Variants in PPP2R5C observed in about 807,000 individuals in gnomAD.
PPP2R5C encodes protein phosphatase 2 regulatory subunit B'gamma, also known as serine/threonine-protein phosphatase 2A 56 kDa regulatory subunit gamma isoform.
Under a neutral mutation model 68.9 loss-of-function variants are expected in PPP2R5C, and 7 were observed. The observed-to-expected ratio is 0.10, with a 90% CI of 0.06 to 0.19. PPP2R5C has a LOEUF of 0.19. Among genes scored for constraint, PPP2R5C ranks in the 10% least tolerant of loss-of-function variants. The pLI, the probability that PPP2R5C is intolerant of heterozygous loss-of-function variation, is 1.00. For synonymous variants in PPP2R5C, 210 were observed against 222.2 expected, an observed-to-expected ratio of 0.95 and a Z score of 0.49; for missense variants, 348 against 641.3, an observed-to-expected ratio of 0.54 and a Z score of 4.94.
chr14:101,853,430 C>T (rs1047010751), intron 1 of PPP2R5C, among the ~76,000 whole-genome samples: 1 of 152,166 alleles, frequency 6.6e-6, no homozygotes, highest in Non-Finnish European at 1.5e-5. Context: ...CCTTTTAGAA[C>T]AGTTTGGATA....
chr14:101,817,928 C>T (rs918336466), intron 1 of PPP2R5C: 2 of 152,164 alleles, frequency 1.3e-5, no homozygotes, highest in Non-Finnish European at 2.9e-5. Flanking sequence ...CTCTAGGGCC[C>T]CGCCACTTAG....
chr14:101,790,964 C>T (rs1225333308), intron 3 of PPP2R5C, among the ~76,000 whole-genome samples: 4 of 152,124 alleles, frequency 2.6e-5, no homozygotes, highest in Non-Finnish European at 4.4e-5. Context: ...CTTGTAGCCC[C>T]AGCTACTCGG....
At chr14:101,902,944 A>G (rs1276860005) in intron 9 of PPP2R5C, among the ~76,000 whole-genome samples, 1 of 151,674 alleles carries the variant, frequency 6.6e-6, no homozygotes, top group Admixed American at 6.6e-5. Context: ...ACAAATATTC[A>G]GGTTATTTTC....
rs568354848 is a variant in PPP2R5C at position 101,916,999 on chromosome 14, C to T, written c.1327-832C>T. On this transcript the variant is annotated intron_variant, in intron 12 of 13. Coordinates refer to ENST00000334743, the Ensembl canonical transcript of PPP2R5C. This position sits in a 1 kb window ranked among gnomAD's most constrained non-coding sequence, Gnocchi z 5.5. Reference sequence around the variant, plus strand: ...CAGGCGCCCCACACAGTTCCCAGCTCACAGCAGACACAGATGCCACTTCCT... The same window carrying T: ...CAGGCGCCCCACACAGTTCCCAGCTTACAGCAGACACAGATGCCACTTCCT... Among the ~76,000 whole-genome samples the T allele has an allele frequency of 6.6e-6, 1 of 152,304 alleles. No individual in the cohort carries two copies. The highest frequency in any genetic ancestry group is 1.5e-5 in the Non-Finnish European group (1 of 68,016).
At chr14:101,787,960 G>A (rs1043548652) in intron 3 of PPP2R5C, among the ~76,000 whole-genome samples, 5 of 152,142 alleles carry the variant, frequency 3.3e-5, no homozygotes, top group African/African-American at 1.2e-4. Flanking sequence ...TTGAGCGCCT[G>A]TGAAAGCTAT....
At chr14:101,848,937 G>A (rs1045721103) in intron 1 of PPP2R5C, among the ~76,000 whole-genome samples, 2 of 152,212 alleles carry the variant, frequency 1.3e-5, no homozygotes, top group African/African-American at 4.8e-5. Flanking sequence ...CCACCATTCA[G>A]GCTGGGCACC....
chr14:101,857,348 A>G (rs1408192227), intron 2 of PPP2R5C, among the ~76,000 whole-genome samples: 1 of 152,174 alleles, frequency 6.6e-6, no homozygotes, highest in East Asian at 1.9e-4. Context: ...GTTCATGCTG[A>G]TTGGCTGAGA....
chr14:101,872,206 T>G (rs1242732220), intron 2 of PPP2R5C, among the ~76,000 whole-genome samples: 1 of 149,504 alleles, frequency 6.7e-6, no homozygotes, highest in African/African-American at 2.5e-5. Context: ...CAAAAGCCTT[T>G]CTTTTCTTTT....
chr14:101,842,023 G>T (rs1047915571), intron 1 of PPP2R5C, among the ~76,000 whole-genome samples: 1 of 152,100 alleles, frequency 6.6e-6, no homozygotes, highest in Non-Finnish European at 1.5e-5. Context: ...TATACCTGCA[G>T]GTTCCCCCCA....
chr14:101,919,506 T>G (rs1199090221), intron 13 of PPP2R5C, among the ~76,000 whole-genome samples: 1 of 152,204 alleles, frequency 6.6e-6, no homozygotes, highest in African/African-American at 2.4e-5. Flanking sequence ...GGTTGCCTTT[T>G]TATACCATTT....
Position 101,797,235 on chromosome 14 carries a change from C to T in PPP2R5C, c.259+11052C>T, listed in dbSNP as rs1270634241. ...GGTCCCCCCACATTGTAGCACGTGC[C>T]AGACCCTCGCTCCCGTCGAAGGCTG... On this transcript the variant is annotated intron_variant, in intron 3 of 14. Transcript: ENST00000328724. The surrounding 1 kb of genome is among the most constrained non-coding windows in gnomAD (Gnocchi z 4.2). The T allele has an allele frequency of 8.8e-6, 4 of 455,966 alleles. No homozygotes were observed. Among genetic ancestry groups the T allele is most frequent in the African/African-American group, 8.0e-5 (4 of 50,072 alleles). The allele number at this position is 455,966 out of a possible 1,614,324, so 28.2% of individuals were successfully genotyped here.
At chr14:101,872,219 C>CTTTTTTTTTTT (rs386382344) in intron 2 of PPP2R5C, among the ~76,000 whole-genome samples, 6 of 91,196 alleles carry the variant, frequency 6.6e-5, no homozygotes, top group African/African-American at 1.0e-4. Context: ...TTTCTTTTGC[C>CTTTTTTTTTTT]TTTTTTTTTT....
At chr14:101,873,991 G>T (rs2043590879) in intron 2 of PPP2R5C, among the ~76,000 whole-genome samples, 1 of 152,116 alleles carries the variant, frequency 6.6e-6, no homozygotes, top group Admixed American at 6.6e-5. Context: ...CCTCATCCTT[G>T]TTACTCCATC....
In PPP2R5C at chr14:101,819,136, C is replaced by T. The variant is rs2039891781; in HGVS notation, c.94+9100C>T. On this transcript the variant is annotated intron_variant, in intron 1 of 13. Coordinates refer to ENST00000334743, the Ensembl canonical transcript of PPP2R5C. Reference sequence around the variant, plus strand: ...GTGTGTTTACATTTGTAGACAGTTTCTGTACATGTATAATTAGGAATGGGT... The same window carrying T: ...GTGTGTTTACATTTGTAGACAGTTTTTGTACATGTATAATTAGGAATGGGT... 4 of 1,463,430 alleles carry T rather than the reference C, an allele frequency of 2.7e-6. No homozygotes were observed. The Admixed American group carries it at 6.0e-5, about 22-fold the overall frequency. The allele number at this position is 1,463,430 out of a possible 1,614,324, so 90.7% of individuals were successfully genotyped here.
intron 2 of PPP2R5C, among the ~76,000 whole-genome samples, chr14:101,865,642 G>A (rs915607909): frequency 2.0e-5 from 3 of 152,170 alleles, no homozygotes; most frequent in African/African-American, 7.2e-5. Flanking sequence ...GCTTGGTTCT[G>A]CAAGCTTGGT....
intron 2 of PPP2R5C, among the ~76,000 whole-genome samples, chr14:101,857,579 G>A (rs1302481194): frequency 6.6e-6 from 1 of 152,170 alleles, no homozygotes; most frequent in African/African-American, 2.4e-5. Context: ...GTTTTATTCA[G>A]CCCCCAGATC....
chr14:101,768,257 TACAA>T (rs1197544770), intron 2 of PPP2R5C, among the ~76,000 whole-genome samples: 1 of 152,190 alleles, frequency 6.6e-6, no homozygotes, highest in Non-Finnish European at 1.5e-5. Flanking sequence ...TACATTTGCT[TACAA>T]ACCATGCCTG....
At chr14:101,804,223 A>G (rs1050274849) in intron 3 of PPP2R5C, among the ~76,000 whole-genome samples, 1 of 152,230 alleles carries the variant, frequency 6.6e-6, no homozygotes, top group Non-Finnish European at 1.5e-5. Context: ...AGCAATAACT[A>G]ATGCTGGAGA....
intron 3 of PPP2R5C, among the ~76,000 whole-genome samples, chr14:101,794,301 T>G (rs1478704857): frequency 6.6e-6 from 1 of 152,198 alleles, no homozygotes; most frequent in Non-Finnish European, 1.5e-5. Context: ...ATGGGTATAT[T>G]CTCTTAAACA....
Sources: allele counts gnomAD v4.1 joint callset (sites outside exome capture counted in the v4.1 genomes callset), GRCh38; gene constraint gnomAD v4.1.1; non-coding constraint Gnocchi (gnomAD v3.1); transcripts MANE v1.5; gene names NCBI Gene and HGNC (gene_info 2026-07-23, HGNC 2026-07-21).